JADE3: variants seen among roughly 807,000 people sequenced by gnomAD.
JADE3 encodes the protein protein Jade-3.
JADE3 carries 2 observed loss-of-function variants against 50.1 expected under a neutral mutation model. The ratio of observed to expected loss-of-function variants is 0.04; its 90% CI spans 0.02 to 0.13. The LOEUF (loss-of-function observed/expected upper bound fraction) is 0.13. JADE3 is among the 10% of genes least tolerant of loss of function. The pLI, the probability that JADE3 is intolerant of heterozygous loss-of-function variation, is 1.00. For missense variants in JADE3, 475 were observed against 634.4 expected, an observed-to-expected ratio of 0.75 and a Z score of 2.70; for synonymous variants, 218 against 232.9, an observed-to-expected ratio of 0.94 and a Z score of 0.58.
At chrX:46,926,788 T>C (rs1926379828) in intron 1 of JADE3, among the ~76,000 whole-genome samples, 1 of 112,512 alleles carries the variant, frequency 8.9e-6, no homozygotes, top group African/African-American at 3.2e-5. Context: ...CATTTTCCTC[T>C]CTCAGGGTAA....
intron 4 of JADE3, among the ~76,000 whole-genome samples, chrX:47,009,197 C>T (rs1034028201): frequency 9.0e-6 from 1 of 110,786 alleles, no homozygotes; most frequent in Non-Finnish European, 1.9e-5. Flanking sequence ...GTGGCATGCG[C>T]CTGTAGTGGA....
intron 1 of JADE3, among the ~76,000 whole-genome samples, chrX:46,937,508 G>A (rs1406285480): frequency 8.9e-6 from 1 of 111,942 alleles, no homozygotes; most frequent in East Asian, 2.8e-4. Flanking sequence ...AAACCTCCAA[G>A]TGTAATTGGA....
intron 8 of JADE3, among the ~76,000 whole-genome samples, chrX:47,044,791 G>A (rs782323321): frequency 1.8e-5 from 2 of 111,960 alleles, no homozygotes; most frequent in East Asian, 2.8e-4. Context: ...TGAAGTTGAA[G>A]TGTAGAGTTT....
chrX:46,924,867 G>T (rs1926322402), intron 1 of JADE3, among the ~76,000 whole-genome samples: 1 of 112,257 alleles, frequency 8.9e-6, no homozygotes, highest in African/African-American at 3.2e-5. Context: ...TTAGATTGTA[G>T]ATTTTGTTAG....
chrX:46,959,622 T>C (rs1927212366), intron 1 of JADE3, among the ~76,000 whole-genome samples: 1 of 111,557 alleles, frequency 9.0e-6, no homozygotes, highest in Non-Finnish European at 1.9e-5. Context: ...GACAGAAGGC[T>C]ATCCTGAGGA....
intron 1 of JADE3, among the ~76,000 whole-genome samples, chrX:46,978,703 A>G (rs1927677611): frequency 9.0e-6 from 1 of 111,399 alleles, no homozygotes; most frequent in South Asian, 3.8e-4. Context: ...TAGAAGGGGC[A>G]CCATTCTTGC....
At position 47,058,430 on chromosome X, in the gene JADE3, C is replaced by G. The variant is rs782073235; in HGVS notation, c.1825C>G (p.Leu609Val). 1.7e-6 allele frequency: 2 copies of G among 1,211,492 alleles called. No homozygotes were observed. Among genetic ancestry groups the G allele is most frequent in the Admixed American group, 2.2e-5 (1 of 45,973 alleles). The change falls in exon 11 of 11, where the codon CTC becomes GTC. Residue 609 changes from leucine to valine, a missense_variant. By Grantham distance (32) the Leu-to-Val change is conservative. Transcript: ENST00000614628. ...ESKNNRLLAS[L>V]SHSRSEAKES... ...CAAGAATAACCGTTTGCTGGCCAGT[C>G]TCAGCCATTCTAGGAGTGAAGCAAA...
chrX:46,913,659 G>A (rs1018081314), intron 1 of JADE3, among the ~76,000 whole-genome samples: 4 of 110,760 alleles, frequency 3.6e-5, no homozygotes, highest in Non-Finnish European at 1.9e-5. Flanking sequence ...CTTCGGTGGA[G>A]TCTAGCTTTA....
chrX:46,928,716 T>A (rs1440904486), intron 1 of JADE3, among the ~76,000 whole-genome samples: 1 of 111,828 alleles, frequency 8.9e-6, no homozygotes, highest in Non-Finnish European at 1.9e-5. Flanking sequence ...CCTGAGTAGC[T>A]AGGACTACAG....
At chrX:46,950,707 A>G (rs1437398009) in intron 1 of JADE3, among the ~76,000 whole-genome samples, 7 of 112,143 alleles carry the variant, frequency 6.2e-5, no homozygotes, top group African/African-American at 2.3e-4. Flanking sequence ...TTTTTAAAGA[A>G]ACTGCCAGTT....
intron 8 of JADE3, among the ~76,000 whole-genome samples, chrX:47,047,870 T>G (rs1929411896): frequency 9.0e-6 from 1 of 111,714 alleles, no homozygotes; most frequent in Admixed American, 9.5e-5. Context: ...CTCACAGTTA[T>G]AGTTTATTAT....
rs782447335 is a variant in JADE3 at position 47,054,221 on chromosome X, A to C, written c.1036A>C (p.Met346Leu). 1 of 1,210,135 alleles carries C rather than the reference A, an allele frequency of 8.3e-7. No homozygotes were observed. Among genetic ancestry groups the C allele is most frequent in the East Asian group, 3.0e-5 (1 of 33,825 alleles). ...VTCAFEHGLE[M>L]KTILDEGDEV... ...CTGTGCCTTTGAGCACGGCCTAGAG[A>C]TGAAGACCATCCTAGATGAGGGAGA... The change falls in exon 9 of 11, where the codon ATG (methionine) becomes CTG (leucine). Residue 346 changes from methionine (M) to leucine (L), a missense_variant. By Grantham distance (15) the Met-to-Leu change is conservative. Transcript: ENST00000614628.
intron 4 of JADE3, among the ~76,000 whole-genome samples, chrX:47,012,369 A>C (rs1928580531): frequency 9.0e-6 from 1 of 110,612 alleles, no homozygotes; most frequent in Non-Finnish European, 1.9e-5. Context: ...ATGGCTTGAA[A>C]CCAGGATCTC....
chrX:47,039,572 T>C (rs1475879290), intron 8 of JADE3, among the ~76,000 whole-genome samples: 1 of 110,826 alleles, frequency 9.0e-6, no homozygotes, highest in Non-Finnish European at 1.9e-5. Context: ...CTCCTCCCTC[T>C]AGTAATCCCC....
chrX:46,948,121 T>C (rs1247253127), intron 1 of JADE3, among the ~76,000 whole-genome samples: 1 of 112,006 alleles, frequency 8.9e-6, no homozygotes, highest in Non-Finnish European at 1.9e-5. Flanking sequence ...GTGGGAGTTT[T>C]TAAGATTAAG....
At chrX:46,949,504 A>G (rs1215192463) in intron 1 of JADE3, among the ~76,000 whole-genome samples, 1 of 111,768 alleles carries the variant, frequency 8.9e-6, no homozygotes, top group African/African-American at 3.3e-5. Context: ...TGCCAACAAC[A>G]CTTGTATTGT....
In JADE3 at chrX:46,985,757, T is replaced by C. The variant is rs1004983243; in HGVS notation, c.91T>C (p.Ser31Pro). The change falls in exon 3 of 11, where the codon TCA becomes CCA. Residue 31 changes from serine to proline, a missense_variant. Around this residue, in one of 6 missense-constraint regions of JADE3, gnomAD observed 31 missense variants for 29.3 expected, o/e 1.06. Transcript: ENST00000614628. ...TTCTGGCTCAATGTATAGGATCAAG[T>C]CAAAAATTCCAAATGAACACAAGAA... ...FTSGSMYRIK[S>P]KIPNEHKKPA... The C allele has an allele frequency of 8.3e-7, 1 of 1,200,076 alleles. No individual in the cohort carries two copies. The highest frequency in any genetic ancestry group is 1.1e-6 in the Non-Finnish European group (1 of 886,426).
chrX:46,929,284 C>G (rs1379551827), intron 1 of JADE3, among the ~76,000 whole-genome samples: 1 of 112,446 alleles, frequency 8.9e-6, no homozygotes, highest in Non-Finnish European at 1.9e-5. Context: ...AAATTTAGCT[C>G]TCTTTGGAAT....
rs1365106095 is a variant in JADE3 at position 46,998,003 on chromosome X, A to G, written c.127-117A>G. ...TTGATCTGGCCATTTAGGAAGTTAG[A>G]GATGTTTCTCTTGTTGGAAGCAGAG... On this transcript the variant is annotated intron_variant, in intron 3 of 10. Coordinates refer to ENST00000614628, the MANE Select transcript of JADE3 (RefSeq NM_014735.5). 5 of 556,980 alleles carry G rather than the reference A, an allele frequency of 9.0e-6. No individual in the cohort carries two copies. In the East Asian group the frequency reaches 1.4e-4, roughly 15 times the overall value. 45.9% of individuals were successfully genotyped at this position (556,980 alleles called of 1,213,427 possible).
Sources: allele counts gnomAD v4.1 joint callset (sites outside exome capture counted in the v4.1 genomes callset), GRCh38; gene constraint gnomAD v4.1.1; regional missense constraint gnomAD v4.1.1; transcripts MANE v1.5; gene names NCBI Gene and HGNC (gene_info 2026-07-23, HGNC 2026-07-21).